ARK2C: variants seen among roughly 807,000 people sequenced by gnomAD.
ARK2C encodes the protein arkadia (RNF111) C-terminal like ring finger ubiquitin ligase 2C, also known as E3 ubiquitin-protein ligase ARK2C.
the ARK2C span, among the ~76,000 whole-genome samples, chr18:46,339,240 T>C: frequency 2.6e-5 from 4 of 152,228 alleles, no homozygotes; most frequent in African/African-American, 7.2e-5. Context: ...CTACCCTGAA[T>C]TGAGTGATCA....
the ARK2C span, among the ~76,000 whole-genome samples, chr18:46,407,098 C>T: frequency 2.6e-5 from 4 of 152,330 alleles, no homozygotes; most frequent in African/African-American, 9.6e-5. Context: ...CTATAAATTG[C>T]ATCCTACCAC....
At chr18:46,359,815 G>A in the ARK2C span, among the ~76,000 whole-genome samples, 1 of 152,188 alleles carries the variant, frequency 6.6e-6, no homozygotes, top group African/African-American at 2.4e-5. Context: ...CAGCCCTTGA[G>A]TCTGCATTCC....
the ARK2C span, among the ~76,000 whole-genome samples, chr18:46,397,164 A>G: frequency 3.9e-4 from 59 of 152,294 alleles, no homozygotes; most frequent in African/African-American, 1.4e-3. Context: ...CTGCACTCCA[A>G]CTTGGAGGAG....
the ARK2C span, among the ~76,000 whole-genome samples, chr18:46,422,132 C>G: frequency 1.3e-5 from 2 of 152,274 alleles, no homozygotes; most frequent in East Asian, 1.9e-4. Context: ...GCCTTTGAAG[C>G]TGGGTTCTGG....
the ARK2C span, chr18:46,433,632 G>A: frequency 1.2e-6 from 1 of 802,852 alleles, no homozygotes; most frequent in Non-Finnish European, 1.9e-6. Context: ...GGGGCTACAG[G>A]CTCCTAGACT....
At chr18:46,445,361 C>T in the ARK2C span, among the ~76,000 whole-genome samples, 1 of 152,128 alleles carries the variant, frequency 6.6e-6, no homozygotes, top group Non-Finnish European at 1.5e-5. Flanking sequence ...TATTGTATGA[C>T]CAAGGACTCT....
the ARK2C span, among the ~76,000 whole-genome samples, chr18:46,426,987 T>A: frequency 6.6e-6 from 1 of 152,240 alleles, no homozygotes; most frequent in Non-Finnish European, 1.5e-5. Flanking sequence ...TCCTGGGAGT[T>A]TCACTCCTTG....
the ARK2C span, chr18:46,336,876 ATATG>A: frequency 4.1e-6 from 4 of 985,392 alleles, no homozygotes; most frequent in Non-Finnish European, 3.6e-6. Flanking sequence ...AATGTTAAAC[ATATG>A]TATTAAAAAA....
chr18:46,387,394 A>C, the ARK2C span, among the ~76,000 whole-genome samples: 1 of 152,246 alleles, frequency 6.6e-6, no homozygotes, highest in Non-Finnish European at 1.5e-5. Context: ...TCCTTTGGAC[A>C]GTGCAGGCCT....
the ARK2C span, chr18:46,336,699 A>G: frequency 1.0e-6 from 1 of 985,402 alleles, no homozygotes; most frequent in Non-Finnish European, 1.2e-6. Flanking sequence ...TTGTATCTTC[A>G]TCTTGTTTAG....
At chr18:46,402,793 G>A in the ARK2C span, among the ~76,000 whole-genome samples, 3 of 152,106 alleles carry the variant, frequency 2.0e-5, no homozygotes, top group Non-Finnish European at 2.9e-5. Context: ...GAGCCACCAC[G>A]CCTGGCCCCA....
the ARK2C span, among the ~76,000 whole-genome samples, chr18:46,369,885 C>A: frequency 6.6e-6 from 1 of 152,190 alleles, no homozygotes; most frequent in Non-Finnish European, 1.5e-5. Flanking sequence ...TTGGGCCCAT[C>A]TGCTATAAAT....
chr18:46,414,580 G>A, the ARK2C span, among the ~76,000 whole-genome samples: 1 of 152,122 alleles, frequency 6.6e-6, no homozygotes, highest in Non-Finnish European at 1.5e-5. Context: ...ACACATGCTC[G>A]CACATGCCCA....
chr18:46,437,736 G>A, the ARK2C span, among the ~76,000 whole-genome samples: 234 of 152,254 alleles, frequency 1.5e-3, 1 homozygote, highest in Middle Eastern at 0.01. Context: ...ACCTTAAGCC[G>A]CAACCCAGGG....
At chr18:46,404,907 C>T in the ARK2C span, among the ~76,000 whole-genome samples, 4 of 152,108 alleles carry the variant, frequency 2.6e-5, no homozygotes, top group South Asian at 4.2e-4. Flanking sequence ...AGAGAAGTTA[C>T]GTGAGGTGCT....
At chr18:46,358,002 A>C in the ARK2C span, among the ~76,000 whole-genome samples, 2 of 152,292 alleles carry the variant, frequency 1.3e-5, no homozygotes, top group African/African-American at 4.8e-5. Flanking sequence ...CAGTGTCTCC[A>C]CATGGCCTAT....
the ARK2C span, among the ~76,000 whole-genome samples, chr18:46,384,259 G>A: frequency 1.3e-5 from 2 of 152,186 alleles, no homozygotes; most frequent in Non-Finnish European, 1.5e-5. Flanking sequence ...GGGCACTGGA[G>A]TCCCAGGGGG....
chr18:46,415,001 A>T, the ARK2C span, among the ~76,000 whole-genome samples: 1 of 152,192 alleles, frequency 6.6e-6, no homozygotes, highest in Non-Finnish European at 1.5e-5. Flanking sequence ...TGGACACTCC[A>T]TCGGCTTCAG....
At chr18:46,433,065 G>T in the ARK2C span, 41 of 647,896 alleles carry the variant, frequency 6.3e-5, 2 homozygotes, top group Admixed American at 1.3e-3. Flanking sequence ...CAGTGATGAC[G>T]CTGCTGTGTC....
Sources: allele counts gnomAD v4.1 joint callset (sites outside exome capture counted in the v4.1 genomes callset), GRCh38; gene constraint gnomAD v4.1.1; transcripts MANE v1.5; gene names NCBI Gene and HGNC (gene_info 2026-07-23, HGNC 2026-07-21).